NRCAM: variants seen among roughly 807,000 people sequenced by gnomAD.
NRCAM encodes the protein neuronal cell adhesion molecule.
In NRCAM, 83 loss-of-function variants were observed where a neutral mutation model predicts 156.5. That is an observed-to-expected ratio of 0.53 (90% CI 0.44 to 0.64). The LOEUF (loss-of-function observed/expected upper bound fraction) is 0.64. Ranked by LOEUF, NRCAM falls within the 30% of genes least tolerant of loss-of-function variation. The pLI is 0.00. For synonymous variants in NRCAM, 538 were observed against 563.9 expected (o/e 0.95, Z 0.65); for missense variants, 1,417 against 1,597.3 (o/e 0.89, Z 1.92).
At chr7:108,437,571 C>T (rs189039299) in intron 1 of NRCAM, among the ~76,000 whole-genome samples, 23 of 151,892 alleles carry the variant, frequency 1.5e-4, no homozygotes, top group African/African-American at 4.8e-4. Flanking sequence ...ACTATGTAGC[C>T]GCAAAAATTA....
chr7:108,191,019 T>C (rs1269122781), intron 19 of NRCAM, among the ~76,000 whole-genome samples: 1 of 152,252 alleles, frequency 6.6e-6, no homozygotes, highest in Non-Finnish European at 1.5e-5. Context: ...GAAGTGATTT[T>C]ATAATAGCAC....
Position 108,417,883 on chromosome 7 carries a change from G to T in NRCAM, c.-331-18290C>A, listed in dbSNP as rs556550332. 1.3e-3 allele frequency among the ~76,000 whole-genome samples: 196 copies of T among 152,276 alleles called. 1 individual carries two copies. Among genetic ancestry groups the T allele is most frequent in the Non-Finnish European group, 2.6e-3 (175 of 68,026 alleles). ...CCAATACTATGGCAGCCCTTAAGCT[G>T]CAATGAATTAACAATTTGTACACAA... On this transcript the variant is annotated intron_variant, in intron 1 of 32. Coordinates refer to ENST00000379028, the MANE Select transcript of NRCAM (RefSeq NM_001037132.4).
chr7:108,275,939 G>T (rs2097580514), intron 3 of NRCAM, among the ~76,000 whole-genome samples: 1 of 152,004 alleles, frequency 6.6e-6, no homozygotes, highest in Non-Finnish European at 1.5e-5. Context: ...TCGTGTCTTT[G>T]TTCTCGTTGG....
intron 1 of NRCAM, among the ~76,000 whole-genome samples, chr7:108,404,784 G>C (rs1214717583): frequency 6.6e-6 from 1 of 152,180 alleles, no homozygotes; most frequent in East Asian, 1.9e-4. Context: ...CTAGTTGGGG[G>C]CAGAAAGTGA....
At chr7:108,432,071 T>C (rs1478727284) in intron 1 of NRCAM, among the ~76,000 whole-genome samples, 1 of 152,202 alleles carries the variant, frequency 6.6e-6, no homozygotes, top group Non-Finnish European at 1.5e-5. Flanking sequence ...GTATTCAGGA[T>C]TTTAGTGGAC....
intron 2 of NRCAM, among the ~76,000 whole-genome samples, chr7:108,347,464 C>T (rs1413602530): frequency 6.6e-6 from 1 of 152,046 alleles, no homozygotes; most frequent in Non-Finnish European, 1.5e-5. Context: ...TCTGTCTAGG[C>T]TAATCAGAAT....
rs530819077 is a variant in NRCAM, at chr7:108,190,305, A to G, written c.1934-559T>C. Among the ~76,000 whole-genome samples, 564 of 152,306 alleles carry G rather than the reference A, an allele frequency of 3.7e-3. 3 individuals carry two copies. The highest frequency in any genetic ancestry group is 6.4e-3 in the Non-Finnish European group (438 of 68,016). ...TAAGTGTGTTTACTCCCAGAGGACA[A>G]CAGTGTATAGACAGACACATGTCGA... On this transcript the variant is annotated intron_variant, in intron 19 of 32. Transcript: ENST00000379028.
intron 2 of NRCAM, among the ~76,000 whole-genome samples, chr7:108,381,194 AAAGTT>A (rs1449050039): frequency 6.6e-6 from 1 of 152,192 alleles, no homozygotes; most frequent in Non-Finnish European, 1.5e-5. Flanking sequence ...ATAACATCAA[AAAGTT>A]AATAATCATT....
rs2097075862 is a variant in NRCAM at position 108,265,653 on chromosome 7, C to T, written c.-106-25483G>A. 5.9e-5 allele frequency among the ~76,000 whole-genome samples: 9 copies of T among 152,296 alleles called. No homozygotes were observed. The South Asian group carries it at 1.9e-3, about 32-fold the overall frequency. ...CTTACTGTGTGCCAGGCTGTCTGTG[C>T]CAAGAAATTTGCAAACATTAGCTTA... On this transcript the variant is annotated intron_variant, in intron 3 of 32. Coordinates refer to ENST00000379028, the MANE Select transcript of NRCAM (RefSeq NM_001037132.4).
chr7:108,368,241 C>T (rs1196697919), intron 2 of NRCAM, among the ~76,000 whole-genome samples: 2 of 134,264 alleles, frequency 1.5e-5, no homozygotes, highest in Admixed American at 1.5e-4. Context: ...CCCACCCCCC[C>T]GCCTGCTCAC....
intron 13 of NRCAM, 108 bp from the exon 14 acceptor site, chr7:108,198,207 A>G (rs2076139423): frequency 2.6e-6 from 2 of 758,392 alleles, no homozygotes; most frequent in Non-Finnish European, 4.0e-6. Context: ...AAGTACATGC[A>G]GTAAGAATAA....
intron 26 of NRCAM, among the ~76,000 whole-genome samples, chr7:108,177,526 CGGA>C (rs2061114780): frequency 6.6e-6 from 1 of 151,738 alleles, no homozygotes; most frequent in African/African-American, 2.4e-5. Context: ...GGGAGGCTGA[CGGA>C]GGAGAATGGT....
chr7:108,177,915 A>G, intron 26 of NRCAM, 75 bp downstream of exon 26: 1 of 1,373,272 alleles, frequency 7.3e-7, no homozygotes, highest in Non-Finnish European at 9.9e-7. Flanking sequence ...ATGAGGAGGT[A>G]TAATTATTTG....
At chr7:108,229,190 T>G (rs2093953306) in intron 8 of NRCAM, among the ~76,000 whole-genome samples, 1 of 152,202 alleles carries the variant, frequency 6.6e-6, no homozygotes, top group Admixed American at 6.5e-5. Flanking sequence ...CATTTTTTAG[T>G]TCTCATATTA....
At chr7:108,336,918 T>C (rs531147577) in intron 2 of NRCAM, among the ~76,000 whole-genome samples, 5 of 152,306 alleles carry the variant, frequency 3.3e-5, no homozygotes, top group South Asian at 4.1e-4. Flanking sequence ...CAATAAGTTA[T>C]TGATAAGAGC....
intron 2 of NRCAM, among the ~76,000 whole-genome samples, chr7:108,338,610 G>C (rs372169377): frequency 6.9e-6 from 1 of 145,938 alleles, no homozygotes; most frequent in Non-Finnish European, 1.5e-5. Flanking sequence ...GAGAGACAGA[G>C]AGGAGAGAGA....
rs149334577 is a variant in NRCAM, at chr7:108,289,747, C to T, written c.-107+22918G>A. On this transcript the variant is annotated intron_variant, in intron 3 of 32. Coordinates refer to ENST00000379028, the MANE Select transcript of NRCAM (RefSeq NM_001037132.4). ...TGTAATAGAAAATTATTCTAACCCA[C>T]TGGGTTCTGAACATGAGGTCTCCAG... Among the ~76,000 whole-genome samples the T allele has an allele frequency of 6.6e-5, 10 of 152,264 alleles. No individual in the cohort carries two copies. The East Asian group carries it at 1.9e-3, about 29-fold the overall frequency.
Position 108,365,148 on chromosome 7 carries a change from TA to T in NRCAM, c.-174+34287del, listed in dbSNP as rs2099584341. On this transcript the variant is annotated intron_variant, in intron 2 of 32. Transcript: ENST00000379028. Reference sequence around the variant, plus strand: ...GATAATTTAGCATTTAACATATATATATTTTTAGCATTTAATATACATTATT... The same window carrying T: ...GATAATTTAGCATTTAACATATATATTTTTTAGCATTTAATATACATTATT... Among the ~76,000 whole-genome samples the T allele has an allele frequency of 2.0e-5, 3 of 152,214 alleles. No individual in the cohort carries two copies. In the South Asian group the frequency reaches 6.3e-4, roughly 32 times the overall value.
chr7:108,281,522 T>C (rs1009699454), intron 3 of NRCAM, among the ~76,000 whole-genome samples: 1 of 152,222 alleles, frequency 6.6e-6, no homozygotes, highest in African/African-American at 2.4e-5. Context: ...AAAGGTTTCA[T>C]GGCATAGGAA....
Sources: gnomAD v4.1 joint callset for allele counts (sites outside exome capture counted in the v4.1 genomes callset) on GRCh38, gnomAD v4.1.1 for gene constraint, MANE v1.5 for transcripts, NCBI Gene and HGNC (gene_info 2026-07-23, HGNC 2026-07-21) for gene names.